NCKAP5: variants seen among roughly 807,000 people sequenced by gnomAD.
NCKAP5 encodes NCK associated protein 5.
NCKAP5 carries 92 observed loss-of-function variants against 167.0 expected under a neutral mutation model. The ratio of observed to expected loss-of-function variants is 0.55; its 90% CI spans 0.47 to 0.66. The LOEUF is 0.66. Among genes scored for constraint, NCKAP5 ranks in the 30% least tolerant of loss-of-function variants. NCKAP5 has a pLI of 0.00. For synonymous variants in NCKAP5, 891 were observed against 877.4 expected, an observed-to-expected ratio of 1.02 and a Z score of -0.27; for missense variants, 2,378 against 2,315.0, an observed-to-expected ratio of 1.03 and a Z score of -0.56.
At chr2:133,226,228 G>A (rs1261449188) in intron 4 of NCKAP5, among the ~76,000 whole-genome samples, 5 of 152,130 alleles carry the variant, frequency 3.3e-5, no homozygotes, top group East Asian at 1.9e-4. Context: ...GGCATAAGCC[G>A]CCACACCGGG....
chr2:132,935,716 G>T (rs1696791524), intron 8 of NCKAP5, among the ~76,000 whole-genome samples: 1 of 152,152 alleles, frequency 6.6e-6, no homozygotes, highest in Admixed American at 6.5e-5. Flanking sequence ...GCAGATACAG[G>T]TGGTTGTTAC....
chr2:133,011,281 A>G (rs74317289), intron 6 of NCKAP5, among the ~76,000 whole-genome samples: 1,899 of 152,332 alleles, frequency 0.012, 36 homozygotes, highest in African/African-American at 0.042. Context: ...TTTTACTGTA[A>G]TATTGATAAA....
At chr2:133,285,352 T>G (rs2090069785) in intron 4 of NCKAP5, among the ~76,000 whole-genome samples, 1 of 152,234 alleles carries the variant, frequency 6.6e-6, no homozygotes, top group East Asian at 1.9e-4. Flanking sequence ...TATCCAAAGT[T>G]GAAAGTGATT....
intron 2 of NCKAP5, among the ~76,000 whole-genome samples, chr2:133,533,833 C>T (rs1489235032): frequency 1.3e-5 from 2 of 151,980 alleles, no homozygotes; most frequent in Admixed American, 1.3e-4. Flanking sequence ...AAAGTCTCTC[C>T]TTCAAAGACA....
chr2:132,739,081 A>G (rs1691790510), intron 16 of NCKAP5, among the ~76,000 whole-genome samples: 1 of 152,214 alleles, frequency 6.6e-6, no homozygotes, highest in Non-Finnish European at 1.5e-5. Context: ...AAATAGCTGC[A>G]AAGAAAAAAA....
At chr2:133,551,084 G>A (rs1435283066) in intron 2 of NCKAP5, among the ~76,000 whole-genome samples, 1 of 150,838 alleles carries the variant, frequency 6.6e-6, no homozygotes, top group Non-Finnish European at 1.5e-5. Flanking sequence ...ACTGCTCAAG[G>A]AAATAAAAGA....
chr2:133,398,770 T>A (rs1482034634), intron 3 of NCKAP5, among the ~76,000 whole-genome samples: 1 of 152,120 alleles, frequency 6.6e-6, no homozygotes. Flanking sequence ...GGAGACTGTG[T>A]GAAAGCAGAA....
rs138135749 is a variant in NCKAP5, at chr2:133,383,168, A to T, written c.70-80058T>A. Among the ~76,000 whole-genome samples the T allele has an allele frequency of 6.9e-3, 1,056 of 152,080 alleles. 18 individuals carry two copies. The highest frequency in any genetic ancestry group is 0.024 in the African/African-American group (1,002 of 41,434). On this transcript the variant is annotated intron_variant, in intron 3 of 19. Transcript: ENST00000409261. ...GCCATATTGGTGTGCTGTACCCATTAACTTATCATTTACATTAGGTATATC... is the reference window on the plus strand; with the variant it reads ...GCCATATTGGTGTGCTGTACCCATTTACTTATCATTTACATTAGGTATATC...
intron 19 of NCKAP5, among the ~76,000 whole-genome samples, chr2:132,680,881 C>A (rs1685133301): frequency 6.6e-6 from 1 of 152,138 alleles, no homozygotes; most frequent in African/African-American, 2.4e-5. Context: ...TCATCATTTC[C>A]AATGCCCATT....
intron 3 of NCKAP5, among the ~76,000 whole-genome samples, chr2:133,311,825 C>G (rs1414973500): frequency 6.6e-6 from 1 of 152,110 alleles, no homozygotes; most frequent in Non-Finnish European, 1.5e-5. Context: ...GAGTTCTGTG[C>G]CAGAAACTGG....
At chr2:133,383,187 G>A (rs534551753) in intron 3 of NCKAP5, among the ~76,000 whole-genome samples, 3 of 152,094 alleles carry the variant, frequency 2.0e-5, no homozygotes, top group South Asian at 2.1e-4. Context: ...TTTACATTAG[G>A]TATATCTCCT....
chr2:132,695,416 A>G (rs1219780926), intron 19 of NCKAP5, among the ~76,000 whole-genome samples: 1 of 152,198 alleles, frequency 6.6e-6, no homozygotes, highest in Non-Finnish European at 1.5e-5. Context: ...GGAGGCTGGA[A>G]ATGTCAGAGC....
intron 3 of NCKAP5, among the ~76,000 whole-genome samples, chr2:133,384,412 C>A (rs191995415): frequency 7.2e-5 from 11 of 152,276 alleles, no homozygotes; most frequent in Admixed American, 4.6e-4. Flanking sequence ...TTCCATTGGT[C>A]TATATCTCTG....
chr2:133,031,313 T>C (rs1311516681), intron 6 of NCKAP5, among the ~76,000 whole-genome samples: 1 of 151,588 alleles, frequency 6.6e-6, no homozygotes, highest in African/African-American at 2.4e-5. Context: ...AACACAGTGA[T>C]TGTGAAGCAT....
At chr2:132,826,757 T>C (rs145338145) in intron 11 of NCKAP5, among the ~76,000 whole-genome samples, 128 of 152,214 alleles carry the variant, frequency 8.4e-4, no homozygotes, top group African/African-American at 2.9e-3. Flanking sequence ...AGTTTATAGA[T>C]AGATTAAGGA....
intron 6 of NCKAP5, among the ~76,000 whole-genome samples, chr2:133,080,168 T>C (rs1480045572): frequency 6.6e-6 from 1 of 152,130 alleles, no homozygotes; most frequent in Non-Finnish European, 1.5e-5. Flanking sequence ...CAATTAATAC[T>C]CCTGGCAGCA....
chr2:133,065,309 C>T (rs1368137633), intron 6 of NCKAP5, among the ~76,000 whole-genome samples: 1 of 152,166 alleles, frequency 6.6e-6, no homozygotes, highest in Non-Finnish European at 1.5e-5. Context: ...TGCGCAACAG[C>T]CATTTCTATA....
intron 3 of NCKAP5, among the ~76,000 whole-genome samples, chr2:133,470,885 G>C (rs13390461): frequency 0.5 from 75,728 of 152,128 alleles, 20,685 homozygotes; most frequent in African/African-American, 0.72. Context: ...CATGGTGCGC[G>C]CACCCACTGA....
At chr2:133,099,699 T>C (rs2081444274) in intron 6 of NCKAP5, among the ~76,000 whole-genome samples, 1 of 152,184 alleles carries the variant, frequency 6.6e-6, no homozygotes, top group Non-Finnish European at 1.5e-5. Context: ...AGAATTCTGG[T>C]AGTCTTCATC....
Sources: gnomAD v4.1 joint callset for allele counts (sites outside exome capture counted in the v4.1 genomes callset) on GRCh38, gnomAD v4.1.1 for gene constraint, MANE v1.5 for transcripts, NCBI Gene and HGNC (gene_info 2026-07-23, HGNC 2026-07-21) for gene names.